Variants in PARD3 observed in about 807,000 individuals in gnomAD.
PARD3 encodes the protein par-3 family cell polarity regulator.
PARD3 carries 75 observed loss-of-function variants against 155.4 expected under a neutral mutation model. The ratio of observed to expected loss-of-function variants is 0.48; its 90% confidence interval spans 0.40 to 0.58. The LOEUF (loss-of-function observed/expected upper bound fraction) is 0.58, where lower values mean the gene tolerates loss of function less well. Ranked by LOEUF, PARD3 falls within the 20% of genes least tolerant of loss-of-function variation. PARD3 has a pLI of 0.00. For synonymous variants in PARD3, 576 were observed against 610.5 expected (o/e 0.94, Z 0.83); for missense variants, 1,642 against 1,721.7 (o/e 0.95, Z 0.82).
chr10:34,724,047 A>G (rs2094655318), intron 1 of PARD3, among the ~76,000 whole-genome samples: 1 of 152,238 alleles, frequency 6.6e-6, no homozygotes, highest in African/African-American at 2.4e-5. Flanking sequence ...GGGAAACAGG[A>G]GTGCACATCA....
chr10:34,672,026 T>C (rs368754604), intron 2 of PARD3, among the ~76,000 whole-genome samples: 7 of 151,816 alleles, frequency 4.6e-5, no homozygotes, highest in African/African-American at 1.7e-4. Flanking sequence ...AGTGAAAAAT[T>C]AGCCAGGTAT....
intron 1 of PARD3, among the ~76,000 whole-genome samples, chr10:34,705,434 G>A (rs929860768): frequency 6.6e-6 from 1 of 151,496 alleles, no homozygotes; most frequent in African/African-American, 2.4e-5. Flanking sequence ...AATACAGTAA[G>A]CTGTGATCAT....
In PARD3 at chr10:34,284,232, G is replaced by A. The variant is rs201444228; in HGVS notation, c.3079C>T (p.Arg1027Ter). Residue 1027 changes from arginine (R) to a stop codon, truncating the protein, a stop_gained, in exon 21 of 25, where the codon CGA (arginine) becomes TGA (stop). Transcript: ENST00000374788. LOFTEE classifies it high-confidence loss of function. ...LGDMFRFGKH[R>*]KDDKIEKTGK... is the part of the protein sequence containing the mutation. The stretch of plus-strand genomic sequence containing the variant: ...GTTTTCTCAATCTTGTCATCTTTTC[G>A]ATGTTTGCCAAACCTGTTAATAACA... 4.4e-6 allele frequency: 7 copies of A among 1,603,692 alleles called. No individual in the cohort carries two copies. In the Admixed American group the frequency reaches 6.8e-5, roughly 16 times the overall value.
At chr10:34,260,748 G>A (rs1954913884) in intron 22 of PARD3, among the ~76,000 whole-genome samples, 1 of 152,168 alleles carries the variant, frequency 6.6e-6, no homozygotes, top group African/African-American at 2.4e-5. Flanking sequence ...GCAGAGGTAA[G>A]TAATACTAAG....
intron 12 of PARD3, among the ~76,000 whole-genome samples, chr10:34,366,907 A>C (rs1168145519): frequency 1.3e-5 from 2 of 152,188 alleles, no homozygotes; most frequent in Non-Finnish European, 2.9e-5. Context: ...TGATATTATA[A>C]AGTTCATTAT....
chr10:34,757,861 C>A (rs10763999), intron 1 of PARD3, among the ~76,000 whole-genome samples: 1 of 152,028 alleles, frequency 6.6e-6, no homozygotes, highest in Admixed American at 6.5e-5. Flanking sequence ...AACGATGCCC[C>A]ATTTTGTCCT....
intron 14 of PARD3, among the ~76,000 whole-genome samples, chr10:34,352,393 C>T (rs995053825): frequency 4.6e-5 from 7 of 152,158 alleles, no homozygotes; most frequent in Non-Finnish European, 7.3e-5. Flanking sequence ...CCTCTGATGC[C>T]GAGCCGAGGC....
At chr10:34,599,283 G>A (rs945823286) in intron 2 of PARD3, among the ~76,000 whole-genome samples, 9 of 152,092 alleles carry the variant, frequency 5.9e-5, no homozygotes, top group African/African-American at 2.2e-4. Context: ...GACACATGAG[G>A]GTTAAACAAA....
Position 34,129,679 on chromosome 10 carries a change from TTTTTTTGTAATGTCAAGCCTC to T in PARD3, c.3540+1763_3540+1783del, listed in dbSNP as rs1433342970. 1.0e-3 allele frequency among the ~76,000 whole-genome samples: 129 copies of T among 128,880 alleles called. 10 individuals are homozygous for T. The highest frequency in any genetic ancestry group is 9.8e-4 in the Non-Finnish European group (56 of 56,956). The allele number at this position is 128,880 out of a possible 152,430, so 84.6% of individuals were successfully genotyped here. A position where few individuals can be genotyped will look rare whatever the true frequency, so the allele number is the denominator to read the frequency against. On this transcript the variant is annotated intron_variant, in intron 23 of 24. Coordinates refer to ENST00000374788, the MANE Select transcript of PARD3 (RefSeq NM_001184785.2). ...CCCTTCCTCAAATCAAATGTTCCTTTTTTTTTGTAATGTCAAGCCTCTTTTTTTTTTTTTTTTTTGAGCCAG... is the reference window on the plus strand; with the variant it reads ...CCCTTCCTCAAATCAAATGTTCCTTTTTTTTTTTTTTTTTTTTTGAGCCAG...
At chr10:34,549,713 C>T (rs769912040) in intron 2 of PARD3, among the ~76,000 whole-genome samples, 38 of 152,044 alleles carry the variant, frequency 2.5e-4, no homozygotes, top group Non-Finnish European at 5.3e-4. Flanking sequence ...TTAAAATTTT[C>T]ATGCTACTAT....
rs762382468 is a variant in PARD3, at chr10:34,382,719, C to T, written c.1220G>A (p.Arg407Gln). 7.4e-6 allele frequency: 12 copies of T among 1,614,140 alleles called. No homozygotes were observed. Among genetic ancestry groups the T allele is most frequent in the South Asian group, 6.6e-5 (6 of 91,072 alleles). ...TATCTGCTCAGGCGGGTGGTTCAGT[C>T]GGGGTGCTCTCTGCACCGTGTGAAG... The part of the protein sequence containing the change: ...AGLHTVQRAP[R>Q]LNHPPEQIDS... The change falls in exon 9 of 25, where the codon CGA (arginine) becomes CAA (glutamine). Residue 407 changes from arginine to glutamine, a missense_variant. By Grantham distance (43) the Arg-to-Gln change is conservative. Transcript: ENST00000374788.
rs183221562 is a variant in PARD3, at chr10:34,517,356, C to T, written c.223-197G>A. Among the ~76,000 whole-genome samples, 54 of 152,146 alleles carry T rather than the reference C, an allele frequency of 3.5e-4. No homozygotes were observed. In the East Asian group the frequency reaches 8.1e-3, roughly 23 times the overall value. On this transcript the variant is annotated intron_variant, in intron 2 of 24. Transcript: ENST00000374788. ...ATGCTTTACTTGTATAATTCTAAGT[C>T]GTACATTTCACATTCAAAAGTCTAT...
At position 34,522,455 on chromosome 10, in the gene PARD3, T is replaced by C. The variant is rs145284980; in HGVS notation, c.223-5296A>G. 1.1e-4 allele frequency among the ~76,000 whole-genome samples: 16 copies of C among 152,344 alleles called. No homozygotes were observed. In the East Asian group the frequency reaches 3.1e-3, roughly 29 times the overall value. ...AGCCACTTATGCCTGCTCTGCCAGA[T>C]GTAGGACAAATAAAGAGATAAGGTA... On this transcript the variant is annotated intron_variant, in intron 2 of 24. Transcript: ENST00000374788.
chr10:34,772,358 G>A (rs1185121307), intron 1 of PARD3, among the ~76,000 whole-genome samples: 2 of 151,152 alleles, frequency 1.3e-5, no homozygotes, highest in Non-Finnish European at 3.0e-5. Context: ...AAAAATAAAA[G>A]GACTTGCATT....
Position 34,149,213 on chromosome 10 carries a change from T to C in PARD3, c.3420-17630A>G, listed in dbSNP as rs186162687. Among the ~76,000 whole-genome samples, 83 of 152,252 alleles carry C rather than the reference T, an allele frequency of 5.5e-4. No individual in the cohort carries two copies. The East Asian group carries it at 9.8e-3, about 18-fold the overall frequency. ...ATAAATAATAGGATAAAAACATGAATCTTAAACTGATTTTGCAGTTTTAGG... is the reference window on the plus strand; with the variant it reads ...ATAAATAATAGGATAAAAACATGAACCTTAAACTGATTTTGCAGTTTTAGG... On this transcript the variant is annotated intron_variant, in intron 22 of 24. Transcript: ENST00000374788.
chr10:34,182,582 T>A (rs935040480), intron 22 of PARD3, among the ~76,000 whole-genome samples: 5 of 152,272 alleles, frequency 3.3e-5, no homozygotes, highest in African/African-American at 1.2e-4. Flanking sequence ...GGAAAACACC[T>A]GGTATATCCA....
chr10:34,648,270 C>T (rs1342516715), intron 2 of PARD3, among the ~76,000 whole-genome samples: 1 of 152,152 alleles, frequency 6.6e-6, no homozygotes, highest in Non-Finnish European at 1.5e-5. Flanking sequence ...TTCAAAGAAA[C>T]TCCAAAAACT....
rs547374702 is a variant in PARD3, at chr10:34,440,192, A to C, written c.714+10125T>G. Among the ~76,000 whole-genome samples, 4 of 152,368 alleles carry C rather than the reference A, an allele frequency of 2.6e-5. No individual in the cohort carries two copies. In the East Asian group the frequency reaches 7.7e-4, roughly 29 times the overall value. ...TTATAAAAGTGATTCAATTTCTAAA[A>C]GCAGGCTTGTAGGACACAGGCAGTG... On this transcript the variant is annotated intron_variant, in intron 5 of 24. Coordinates refer to ENST00000374788, the MANE Select transcript of PARD3 (RefSeq NM_001184785.2).
At chr10:34,214,669 AT>A (rs567037836) in intron 22 of PARD3, among the ~76,000 whole-genome samples, 11 of 152,238 alleles carry the variant, frequency 7.2e-5, no homozygotes, top group East Asian at 5.8e-4. Flanking sequence ...ATAAAAAAAA[AT>A]ATATTATTTT....
Sources: allele counts gnomAD v4.1 joint callset (sites outside exome capture counted in the v4.1 genomes callset), GRCh38; gene constraint gnomAD v4.1.1; transcripts MANE v1.5; gene names NCBI Gene and HGNC (gene_info 2026-07-23, HGNC 2026-07-21).